The following CDH24 variants were observed in gnomAD, a reference collection of about 807,000 sequenced individuals.
The protein encoded by CDH24 is cadherin-24.
A neutral mutation model predicts 71.2 loss-of-function variants in CDH24; 61 were observed. The ratio of observed to expected loss-of-function variants is 0.86; its 90% CI spans 0.70 to 1.06. The LOEUF is 1.06. Ranked by LOEUF, CDH24 falls within the 50% of genes least tolerant of loss-of-function variation. The pLI is 0.00. For synonymous variants in CDH24, 440 were observed against 470.2 expected, an observed-to-expected ratio of 0.94 and a Z score of 0.83; for missense variants, 961 against 1,083.7, an observed-to-expected ratio of 0.89 and a Z score of 1.59.
At position 23,055,019 on chromosome 14, in the gene CDH24, A is replaced by G. The variant is rs199816780; in HGVS notation, c.496+40T>C. On this transcript the variant is annotated intron_variant, in intron 3 of 12. Coordinates refer to ENST00000487137, the MANE Select transcript of CDH24 (RefSeq NM_144985.4). The surrounding 1 kb of genome is among the most constrained non-coding windows in gnomAD (Gnocchi z 4.1). The stretch of plus-strand genomic sequence containing the variant: ...AGGGAAGGAGAGGTGAGAGAGCTCC[A>G]GAAGACGGGAACTGGGGCATTCAGA... 12 of 1,595,990 alleles carry G rather than the reference A, an allele frequency of 7.5e-6. No individual in the cohort carries two copies. In the East Asian group the frequency reaches 2.7e-4, roughly 36 times the overall value.
rs374416201 is a variant in CDH24 at position 23,049,042 on chromosome 14, C to G, written c.1831G>C (p.Val611Leu). Residue 611 changes from valine (V) to leucine (L), a missense_variant, in exon 11 of 13, where the codon GTG (valine) becomes CTG (leucine). This residue lies in a region of CDH24 where 290 missense variants were observed against 272.8 expected (regional missense o/e 1.06). Transcript: ENST00000487137. ...CCTGACTCACCAAGCAGGGCACCCACACAGGTGATGATGGCAAGCAGGGCG... is the reference window on the plus strand; with the variant it reads ...CCTGACTCACCAAGCAGGGCACCCAGACAGGTGATGATGGCAAGCAGGGCG... ...TGALLAIITC[V>L]GALLALVVLF... The G allele has an allele frequency of 6.2e-7, 1 of 1,612,536 alleles. No homozygotes were observed. Among genetic ancestry groups the G allele is most frequent in the Non-Finnish European group, 8.5e-7 (1 of 1,179,820 alleles).
chr14:23,056,969 C>T (rs908356898), intron 1 of CDH24, among the ~76,000 whole-genome samples: 2 of 91,700 alleles, frequency 2.2e-5, no homozygotes, highest in African/African-American at 4.3e-5. Context: ...AGAGAGAAGG[C>T]GGGATGAGGA....
rs1242765544 is a variant in CDH24 at position 23,048,462 on chromosome 14, C to T, written c.1864G>A (p.Val622Met). Reference sequence around the variant, plus strand: ...TCTTGCTTCTGCCGCCGCAGGGCCACGAAGAGCACCACCAGGGCTGCGCGA... The same window carrying T: ...TCTTGCTTCTGCCGCCGCAGGGCCATGAAGAGCACCACCAGGGCTGCGCGA... Reference protein sequence around the residue: ...GALLALVVLFVALRRQKQEAL... With the variant: ...GALLALVVLFMALRRQKQEAL... Residue 622 changes from valine to methionine, a missense_variant, in exon 12 of 13, where the codon GTG becomes ATG. Physicochemically the swap from Val to Met is conservative, Grantham distance 21 (BLOSUM62 1). This residue lies in a region of CDH24 where 290 missense variants were observed against 272.8 expected (regional missense o/e 1.06). Transcript: ENST00000487137. The T allele has an allele frequency of 1.2e-6, 2 of 1,608,352 alleles. No individual in the cohort carries two copies. The highest frequency in any genetic ancestry group is 2.2e-5 in the South Asian group (2 of 91,062).
Position 23,052,459 on chromosome 14 carries a change from C to T in CDH24, c.1363+14G>A, listed in dbSNP as rs777165147. 5.0e-6 allele frequency: 8 copies of T among 1,613,270 alleles called. No homozygotes were observed. In the East Asian group the frequency reaches 1.8e-4, roughly 36 times the overall value. The stretch of plus-strand genomic sequence containing the variant: ...AGGAGGCTGCTGCCGCCTTGTGGGC[C>T]CTGGAGTCCTCACCGAGCTCTGTAG... On this transcript the variant is annotated intron_variant, in intron 8 of 12. Coordinates refer to ENST00000487137, the MANE Select transcript of CDH24 (RefSeq NM_144985.4).
Position 23,047,181 on chromosome 14 carries a change from A to G in CDH24, c.*713T>C, listed in dbSNP as rs181138446. On this transcript the variant is annotated 3_prime_UTR_variant, in exon 13 of 13. Coordinates refer to ENST00000487137, the MANE Select transcript of CDH24 (RefSeq NM_144985.4). ...CTTTCCTTTCCCTACTCCCTCAGGA[A>G]GCACACAAGACAATGCCCAGGGCTG... is the stretch of plus-strand genomic sequence containing the variant. The G allele has an allele frequency of 6.6e-6, 1 of 152,288 alleles. No individual in the cohort carries two copies. The highest frequency in any genetic ancestry group is 2.4e-5 in the African/African-American group (1 of 41,444). The allele number at this position is 152,288 out of a possible 1,614,324, so 9.4% of individuals were successfully genotyped here. A position where few individuals can be genotyped will look rare whatever the true frequency, so the allele number is the denominator to read the frequency against.
chr14:23,049,655 A>G lies in CDH24; in HGVS notation c.1569T>C (p.Asp523=). The G allele has an allele frequency of 1.3e-6, 2 of 1,594,882 alleles. No homozygotes were observed. Among genetic ancestry groups the G allele is most frequent in the Non-Finnish European group, 1.7e-6 (2 of 1,168,364 alleles). The change falls in exon 10 of 13, where the codon GAT becomes GAC. Residue 523 remains aspartate (D), a synonymous_variant. Coordinates refer to ENST00000487137, the MANE Select transcript of CDH24 (RefSeq NM_144985.4). ...HVSFQGPLGP[D]ANFTVQDNRD... ...GGTTGTCCTGGACAGTAAAGTTGGCATCAGGGCCCAGAGGACCTTGAAAGG... is the reference window on the plus strand; with the variant it reads ...GGTTGTCCTGGACAGTAAAGTTGGCGTCAGGGCCCAGAGGACCTTGAAAGG...
In CDH24 at chr14:23,052,505, C is replaced by T; in HGVS notation, c.1331G>A (p.Trp444Ter). The T allele has an allele frequency of 6.2e-7, 1 of 1,614,004 alleles. No individual in the cohort carries two copies. Among genetic ancestry groups the T allele is most frequent in the Non-Finnish European group, 8.5e-7 (1 of 1,180,012 alleles). The change falls in exon 8 of 13, where the codon TGG becomes TAG. Residue 444 changes from tryptophan to a stop codon, truncating the protein, a stop_gained. Transcript: ENST00000487137. LOFTEE classifies it high-confidence loss of function. Reference protein sequence around the residue: ...AAPLDREARAWHNLTVLATEL... With the variant: ...AAPLDREARA ...TGTAGCCAGCACAGTGAGGTTGTGC[C>T]AGGCGCGAGCCTCGCGATCCAGGGG...
In CDH24 at chr14:23,049,362, G is replaced by T. The variant is rs1294610598; in HGVS notation, c.1598-87C>A. ...GCCCATAGAGCCAGCTTCCCATAGA[G>T]CCAGCCCCCCATAGAGCCAGCCCAT... On this transcript the variant is annotated intron_variant, in intron 10 of 12. Transcript: ENST00000487137. 16 of 1,323,322 alleles carry T rather than the reference G, an allele frequency of 1.2e-5. No homozygotes were observed. The Admixed American group carries it at 3.2e-4, about 27-fold the overall frequency. 82.0% of individuals were successfully genotyped at this position (1,323,322 alleles called of 1,614,324 possible). A position where few individuals can be genotyped will look rare whatever the true frequency, so the allele number is the denominator to read the frequency against.
At chr14:23,052,419 G>C in intron 8 of CDH24, 54 bp downstream of exon 8, 1 of 1,604,612 alleles carries the variant, frequency 6.2e-7, no homozygotes, top group Non-Finnish European at 8.5e-7. Flanking sequence ...CACACCCAGG[G>C]ACAGCTCCTC....
At position 23,055,428 on chromosome 14, in the gene CDH24, G is replaced by A. The variant is rs962658814; in HGVS notation, c.202-75C>T. 16 of 1,584,968 alleles carry A rather than the reference G, an allele frequency of 1.0e-5. No homozygotes were observed. The Admixed American group carries it at 2.6e-4, about 25-fold the overall frequency. The stretch of plus-strand genomic sequence containing the variant: ...GTTAAAGAGTCTAGGTTTGGGTAGA[G>A]CGTTGGGAGTCCTGAGGGACCAAGG... On this transcript the variant is annotated intron_variant, in intron 2 of 12. Transcript: ENST00000487137. This position sits in a 1 kb window ranked among gnomAD's most constrained non-coding sequence, Gnocchi z 4.1.
chr14:23,050,583 C>G (rs967520807), intron 8 of CDH24, among the ~76,000 whole-genome samples: 4 of 151,796 alleles, frequency 2.6e-5, no homozygotes, highest in African/African-American at 9.7e-5. Flanking sequence ...CATCACTTAT[C>G]TTGGGTAGAA....
intron 8 of CDH24, chr14:23,052,172 C>T (rs896585290): frequency 1.2e-6 from 1 of 820,590 alleles, no homozygotes. Flanking sequence ...TGGGGCAAGT[C>T]AGGTAAGGGA....
chr14:23,048,638 G>A (rs1055208455), intron 11 of CDH24, among the ~76,000 whole-genome samples, 159 bp from the exon 12 acceptor site: 1 of 152,198 alleles, frequency 6.6e-6, no homozygotes, highest in South Asian at 2.1e-4. Flanking sequence ...GCCCTTACTC[G>A]CTATGTGACC....
intron 10 of CDH24, among the ~76,000 whole-genome samples, 158 bp from the exon 11 acceptor site, chr14:23,049,433 T>C (rs1006937665): frequency 3.3e-5 from 5 of 151,356 alleles, no homozygotes; most frequent in Admixed American, 6.6e-5. Context: ...AGCCCATAGG[T>C]CCAGCCCATA....
rs1433885441 is a variant in CDH24 at position 23,053,663 on chromosome 14, C to A, written c.1059G>T (p.Gly353=). Residue 353 remains glycine (G), a synonymous_variant, in exon 7 of 13, where the codon GGG becomes GGT. Coordinates refer to ENST00000487137, the MANE Select transcript of CDH24 (RefSeq NM_144985.4). Reference sequence around the variant, plus strand: ...GCACAGAGGCCACATCCTTGAAGGGCCCTCGCCGCAGATAGGCTGGGTCAA... The same window carrying A: ...GCACAGAGGCCACATCCTTGAAGGGACCTCGCCGCAGATAGGCTGGGTCAA... ...TLIDPAYLRR[G]PFKDVASVRV... 1.2e-6 allele frequency: 2 copies of A among 1,613,844 alleles called. No homozygotes were observed. Among genetic ancestry groups the A allele is most frequent in the Non-Finnish European group, 1.7e-6 (2 of 1,179,968 alleles).
In CDH24 at chr14:23,049,086, G is replaced by A. The variant is rs1252763244; in HGVS notation, c.1787C>T (p.Ala596Val). 1 of 1,612,078 alleles carries A rather than the reference G, an allele frequency of 6.2e-7. No homozygotes were observed. Among genetic ancestry groups the A allele is most frequent in the Non-Finnish European group, 8.5e-7 (1 of 1,179,514 alleles). ...CAGGGCGCCGGTGCTGAGCCCAGCA[G>A]CTGAGAGGTGAGCCTCAGGCCAGCA... is the stretch of plus-strand genomic sequence containing the variant. ...ASCWPEAHLS[A>V]AGLSTGALLA... Residue 596 changes from alanine to valine, a missense_variant, in exon 11 of 13, where the codon GCT becomes GTT. Ala to Val is a moderately conservative substitution (Grantham distance 64, BLOSUM62 0). Coordinates refer to ENST00000487137, the MANE Select transcript of CDH24 (RefSeq NM_144985.4).
At position 23,055,358 on chromosome 14, in the gene CDH24, A is replaced by G. The variant is rs754103638; in HGVS notation, c.202-5T>C. 1 of 1,603,514 alleles carries G rather than the reference A, an allele frequency of 6.2e-7. No homozygotes were observed. Among genetic ancestry groups the G allele is most frequent in the Admixed American group, 1.7e-5 (1 of 59,836 alleles). On this transcript the variant is annotated splice_polypyrimidine_tract_variant and splice_region_variant and intron_variant, in intron 2 of 12. Transcript: ENST00000487137. The surrounding 1 kb of genome is among the most constrained non-coding windows in gnomAD (Gnocchi z 4.1). ...CCGGTCAACATCCGAGTGCAGCTGC[A>G]GGGGTCACGAAAAGATGGCAGAGGG...
chr14:23,052,160 G>T, intron 8 of CDH24: 1 of 873,726 alleles, frequency 1.1e-6, no homozygotes. Context: ...TTATTTCTGG[G>T]TTGGGGCAAG....
At position 23,051,835 on chromosome 14, in the gene CDH24, C is replaced by T. The variant is rs986179041; in HGVS notation, c.1363+638G>A. On this transcript the variant is annotated intron_variant, in intron 8 of 12. Coordinates refer to ENST00000487137, the MANE Select transcript of CDH24 (RefSeq NM_144985.4). The surrounding 1 kb of genome is among the most constrained non-coding windows in gnomAD (Gnocchi z 4.4). ...GTATAAGGGACTATTCACAGAAGAT[C>T]GGGAGGGAGGTCTCCCTGTCTGTAT... 3.5e-5 allele frequency: 20 copies of T among 563,654 alleles called. No homozygotes were observed. Among genetic ancestry groups the T allele is most frequent in the East Asian group, 6.3e-5 (2 of 31,946 alleles). The allele number at this position is 563,654 out of a possible 1,614,324, so 34.9% of individuals were successfully genotyped here. A position where few individuals can be genotyped will look rare whatever the true frequency, so the allele number is the denominator to read the frequency against.
Sources: gnomAD v4.1 joint callset for allele counts (sites outside exome capture counted in the v4.1 genomes callset) on GRCh38, gnomAD v4.1.1 for gene constraint, gnomAD v4.1.1 regional missense constraint, Gnocchi (gnomAD v3.1) non-coding constraint, MANE v1.5 for transcripts, NCBI Gene and HGNC (gene_info 2026-07-23, HGNC 2026-07-21) for gene names.